The following UGP2 variants were observed in gnomAD, a reference collection of about 807,000 sequenced individuals.
UGP2 encodes UDP-glucose pyrophosphorylase 2.
UGP2 carries 40 observed loss-of-function variants against 49.0 expected under a neutral mutation model. The observed-to-expected ratio is 0.82, with a 90% confidence interval of 0.63 to 1.06. UGP2 has a LOEUF of 1.06. Ranked by LOEUF, UGP2 falls within the 50% of genes least tolerant of loss-of-function variation. UGP2 has a pLI of 0.00. For missense variants in UGP2, 460 were observed against 603.5 expected, an observed-to-expected ratio of 0.76 and a Z score of 2.49; for synonymous variants, 225 against 213.0, an observed-to-expected ratio of 1.06 and a Z score of -0.49.
rs1671637503 is a variant in UGP2, at chr2:63,885,899, A to G, written c.873+13A>G. 1.9e-6 allele frequency: 3 copies of G among 1,545,510 alleles called. No homozygotes were observed. The highest frequency in any genetic ancestry group is 2.6e-6 in the Non-Finnish European group (3 of 1,150,870). ...TGCAGATGTAAAGGTAAATACCGAG[A>G]GGAAGCAGTTTAGGGCTTCATGTTT... On this transcript the variant is annotated intron_variant, in intron 6 of 9. Coordinates refer to ENST00000337130, the MANE Select transcript of UGP2 (RefSeq NM_006759.4).
At position 63,878,617 on chromosome 2, in the gene UGP2, A is replaced by G. The variant is rs867824021; in HGVS notation, c.256-3849A>G. ...CGTGGGCAGATATTTGTTTTCTTCT[A>G]CTTAAAAGGGTTGGCAGTCTATTTG... On this transcript the variant is annotated intron_variant, in intron 3 of 9. Transcript: ENST00000337130. 3.9e-5 allele frequency among the ~76,000 whole-genome samples: 6 copies of G among 152,268 alleles called. No individual in the cohort carries two copies. The South Asian group carries it at 1.2e-3, about 32-fold the overall frequency.
intron 3 of UGP2, among the ~76,000 whole-genome samples, chr2:63,859,789 A>C (rs1167967327): frequency 6.6e-6 from 1 of 152,250 alleles, no homozygotes. Context: ...CATAAGTTTT[A>C]AGCTTCTTCA....
intron 3 of UGP2, among the ~76,000 whole-genome samples, chr2:63,860,267 G>A (rs1198169142): frequency 6.6e-6 from 1 of 152,144 alleles, no homozygotes. Context: ...CATACCAGTG[G>A]ATCTATATTT....
intron 3 of UGP2, among the ~76,000 whole-genome samples, chr2:63,867,164 C>G (rs1670239765): frequency 6.6e-6 from 1 of 152,162 alleles, no homozygotes; most frequent in African/African-American, 2.4e-5. Context: ...GAAATTACTT[C>G]AAGCTCTATG....
At chr2:63,868,717 A>G (rs938266097) in intron 3 of UGP2, among the ~76,000 whole-genome samples, 1 of 152,148 alleles carries the variant, frequency 6.6e-6, no homozygotes. Context: ...TAATCCCAGC[A>G]CTTTTAATCC....
intron 3 of UGP2, among the ~76,000 whole-genome samples, chr2:63,862,415 G>T (rs1669910866): frequency 6.6e-6 from 1 of 152,064 alleles, no homozygotes; most frequent in Non-Finnish European, 1.5e-5. Context: ...AACAGTTTTT[G>T]AATTTCCCTC....
At chr2:63,849,765 A>T (rs1668919289) in intron 1 of UGP2, among the ~76,000 whole-genome samples, 2 of 152,210 alleles carry the variant, frequency 1.3e-5, no homozygotes, top group South Asian at 4.1e-4. Flanking sequence ...GCCAGGCAAC[A>T]GGGTTTGAGT....
rs150226692 is a variant in UGP2, at chr2:63,849,012, G to T, written c.19+6808G>T. ...AAGGATTGTTTTTGAGAAACATGGA[G>T]AAATTGGCTATGTTGTCTCGTTAAT... On this transcript the variant is annotated intron_variant, in intron 1 of 9. Coordinates refer to ENST00000337130, the MANE Select transcript of UGP2 (RefSeq NM_006759.4). Among the ~76,000 whole-genome samples, 20 of 152,294 alleles carry T rather than the reference G, an allele frequency of 1.3e-4. 1 individual carries two copies. In the East Asian group the frequency reaches 3.1e-3, roughly 23 times the overall value.
chr2:63,854,626 TA>T (rs890346407), intron 1 of UGP2, among the ~76,000 whole-genome samples: 6 of 152,250 alleles, frequency 3.9e-5, no homozygotes, highest in African/African-American at 1.4e-4. Flanking sequence ...CACTCTTCCT[TA>T]TTCTTTATTC....
At chr2:63,889,489 T>C (rs189839608) in intron 8 of UGP2, 62 of 152,420 alleles carry the variant, frequency 4.1e-4, no homozygotes, top group Admixed American at 1.2e-3. Context: ...GGCAGAGTAA[T>C]GGGCAATGGG....
At chr2:63,848,037 G>T (rs983656201) in intron 1 of UGP2, among the ~76,000 whole-genome samples, 18 of 152,266 alleles carry the variant, frequency 1.2e-4, no homozygotes, top group African/African-American at 4.3e-4. Flanking sequence ...TTTCTGTAAT[G>T]CCATTCATCC....
At chr2:63,854,481 T>A (rs980092324) in intron 1 of UGP2, among the ~76,000 whole-genome samples, 1 of 152,234 alleles carries the variant, frequency 6.6e-6, no homozygotes, top group Non-Finnish European at 1.5e-5. Flanking sequence ...GTACTACTTT[T>A]CCTACCAGAA....
At chr2:63,852,368 A>G (rs768038204) in intron 1 of UGP2, among the ~76,000 whole-genome samples, 44 of 152,214 alleles carry the variant, frequency 2.9e-4, no homozygotes, top group Non-Finnish European at 1.0e-4. Flanking sequence ...CCAGCCTCCA[A>G]GTGATTTGTA....
intron 1 of UGP2, among the ~76,000 whole-genome samples, chr2:63,849,179 A>G (rs996985792): frequency 1.3e-5 from 2 of 152,246 alleles, no homozygotes; most frequent in South Asian, 4.1e-4. Flanking sequence ...AATTGTCTTC[A>G]TGGACCAGAA....
chr2:63,891,037 G>A (rs531768688), intron 9 of UGP2, 83 bp from the exon 10 acceptor site: 4 of 1,054,196 alleles, frequency 3.8e-6, no homozygotes, highest in Admixed American at 2.9e-5. Flanking sequence ...AAAAAAAAAA[G>A]TTGTACATAA....
intron 2 of UGP2, chr2:63,857,467 G>A: frequency 5.4e-6 from 2 of 370,248 alleles, no homozygotes; most frequent in South Asian, 4.0e-5. Context: ...GGGCTCAAGT[G>A]ATCCTCCCAC....
At chr2:63,879,251 C>A (rs901945847) in intron 3 of UGP2, among the ~76,000 whole-genome samples, 1 of 152,058 alleles carries the variant, frequency 6.6e-6, no homozygotes, top group Non-Finnish European at 1.5e-5. Context: ...CCTAAAGATA[C>A]CTATCTAATG....
rs1470410101 is a variant in UGP2 at position 63,883,671 on chromosome 2, C to CCT, written c.442-286_442-285dup. ...CTAGGGTGGGGAGGTGGGGGTCCTG[C>CCT]CTCTGCCATTGCCAGACCCACCACC... On this transcript the variant is annotated intron_variant, in intron 4 of 9. Transcript: ENST00000337130. Among the ~76,000 whole-genome samples, 3 of 152,294 alleles carry CCT rather than the reference C, an allele frequency of 2.0e-5. No homozygotes were observed. In the East Asian group the frequency reaches 5.8e-4, roughly 29 times the overall value.
chr2:63,842,692 G>A, intron 1 of UGP2: 2 of 1,229,868 alleles, frequency 1.6e-6, no homozygotes, highest in Non-Finnish European at 2.1e-6. Flanking sequence ...TTCACTTATT[G>A]CGAAACTGGG....
Sources: allele counts gnomAD v4.1 joint callset (sites outside exome capture counted in the v4.1 genomes callset), GRCh38; gene constraint gnomAD v4.1.1; transcripts MANE v1.5; gene names NCBI Gene and HGNC (gene_info 2026-07-23, HGNC 2026-07-21).